Variants in STIM1 observed in about 807,000 individuals in gnomAD.
The protein encoded by STIM1 is stromal interaction molecule 1.
In STIM1, 25 loss-of-function variants were observed where a neutral mutation model predicts 74.7. The ratio of observed to expected loss-of-function variants is 0.33; its 90% confidence interval spans 0.24 to 0.47. The LOEUF (loss-of-function observed/expected upper bound fraction) is 0.47, where lower values mean the gene tolerates loss of function less well. Ranked by LOEUF, STIM1 falls within the 20% of genes least tolerant of loss-of-function variation. The pLI, the probability that STIM1 is intolerant of heterozygous loss-of-function variation, is 1.00. For synonymous variants in STIM1, 328 were observed against 348.8 expected, an observed-to-expected ratio of 0.94 and a Z score of 0.66; for missense variants, 728 against 920.8, an observed-to-expected ratio of 0.79 and a Z score of 2.71.
At chr11:4,091,193 C>T in intron 12 of STIM1, 89 bp from the exon 13 acceptor site, 2 of 1,583,750 alleles carry the variant, frequency 1.3e-6, no homozygotes, top group Non-Finnish European at 1.7e-6. Flanking sequence ...TCCTTGTCTT[C>T]TCGTGTTGTC....
chr11:4,021,402 A>G (rs1264409101), intron 2 of STIM1, among the ~76,000 whole-genome samples: 9 of 152,258 alleles, frequency 5.9e-5, no homozygotes, highest in Admixed American at 5.9e-4. Context: ...CTGGGATTAC[A>G]GGCATGAGCC....
At chr11:3,943,194 C>A (rs1335762431) in intron 1 of STIM1, among the ~76,000 whole-genome samples, 1 of 152,164 alleles carries the variant, frequency 6.6e-6, no homozygotes, top group East Asian at 1.9e-4. Flanking sequence ...TTTGGGAAGC[C>A]TTTCCTTGAC....
chr11:3,989,247 T>C lies in STIM1; in HGVS notation c.270+21565T>C, dbSNP rs545811168. The stretch of plus-strand genomic sequence containing the variant: ...CCCTGTTTACTGCAGGTAAATGTTC[T>C]TTAGTTTCTTGGTTAGCCACTTCGG... On this transcript the variant is annotated intron_variant, in intron 2 of 12. Coordinates refer to ENST00000526596, the MANE Select transcript of STIM1 (RefSeq NM_001382567.1). The C allele has an allele frequency of 1.9e-3, 1,676 of 869,776 alleles. 9 individuals are homozygous for C. The highest frequency in any genetic ancestry group is 1.9e-3 in the Non-Finnish European group (931 of 500,980). 53.9% of individuals were successfully genotyped at this position (869,776 alleles called of 1,614,324 possible).
Position 3,898,916 on chromosome 11 carries a change from T to C in STIM1, c.139+42507T>C, listed in dbSNP as rs1305883471. Among the ~76,000 whole-genome samples the C allele has an allele frequency of 2.0e-5, 3 of 152,064 alleles. No homozygotes were observed. In the East Asian group the frequency reaches 5.8e-4, roughly 29 times the overall value. ...CAGTACCATGCTGTTTTGGTTACTG[T>C]AGCTTTGTAGTATAGTTTGAAGTCA... On this transcript the variant is annotated intron_variant, in intron 1 of 12. Coordinates refer to ENST00000526596, the MANE Select transcript of STIM1 (RefSeq NM_001382567.1).
chr11:4,000,034 G>A (rs1229602426), intron 2 of STIM1, among the ~76,000 whole-genome samples: 1 of 152,056 alleles, frequency 6.6e-6, no homozygotes, highest in Non-Finnish European at 1.5e-5. Flanking sequence ...GCTGGGGGAG[G>A]GGCGCCCGCC....
chr11:3,949,689 T>C (rs1174426823), intron 1 of STIM1, among the ~76,000 whole-genome samples: 2 of 152,218 alleles, frequency 1.3e-5, no homozygotes, highest in Non-Finnish European at 2.9e-5. Flanking sequence ...TTAAAATTTT[T>C]ATTGAGATGA....
chr11:3,987,804 GACACACACACACACACACACACAC>G (rs55772228), intron 2 of STIM1, among the ~76,000 whole-genome samples: 1 of 145,284 alleles, frequency 6.9e-6, no homozygotes, highest in Non-Finnish European at 1.5e-5. Flanking sequence ...TGTCCTTAAG[GACACACACACACACACACACACAC>G]ACACACACAC....
At chr11:4,045,392 C>T (rs563683842) in intron 3 of STIM1, among the ~76,000 whole-genome samples, 61 of 152,136 alleles carry the variant, frequency 4.0e-4, no homozygotes, top group East Asian at 2.3e-3. Flanking sequence ...ATCTGCAATG[C>T]GTTAGGATAT....
At chr11:3,910,175 C>T (rs1012128056) in intron 1 of STIM1, among the ~76,000 whole-genome samples, 5 of 152,190 alleles carry the variant, frequency 3.3e-5, no homozygotes, top group African/African-American at 1.2e-4. Flanking sequence ...CGACTATATT[C>T]TTTGGGCAAT....
At chr11:3,951,343 AG>A (rs1376436503) in intron 1 of STIM1, among the ~76,000 whole-genome samples, 1 of 152,170 alleles carries the variant, frequency 6.6e-6, no homozygotes, top group Non-Finnish European at 1.5e-5. Context: ...AAAGACAAAG[AG>A]GGGCCAGTTA....
intron 2 of STIM1, among the ~76,000 whole-genome samples, chr11:4,004,271 T>A (rs1313073987): frequency 6.6e-6 from 1 of 152,106 alleles, no homozygotes; most frequent in Non-Finnish European, 1.5e-5. Context: ...AGAGCCCACA[T>A]CGCCAAGTCA....
chr11:4,082,031 T>G (rs546248329), intron 7 of STIM1, among the ~76,000 whole-genome samples, 153 bp from the exon 8 acceptor site: 4 of 152,362 alleles, frequency 2.6e-5, no homozygotes, highest in African/African-American at 4.8e-5. Flanking sequence ...GAGCTTGCTT[T>G]CTTCTATATA....
intron 1 of STIM1, among the ~76,000 whole-genome samples, chr11:3,939,426 T>A (rs867189000): frequency 4.6e-5 from 7 of 152,226 alleles, no homozygotes; most frequent in Non-Finnish European, 7.3e-5. Flanking sequence ...CTGATCTCAT[T>A]TCTGCATTTC....
chr11:4,045,742 A>G (rs2094186224), intron 3 of STIM1, among the ~76,000 whole-genome samples: 1 of 150,100 alleles, frequency 6.7e-6, no homozygotes, highest in Admixed American at 6.7e-5. Flanking sequence ...ATGAGCCACC[A>G]AGTCCATCCC....
intron 3 of STIM1, among the ~76,000 whole-genome samples, chr11:4,033,808 C>T (rs890253077): frequency 2.0e-5 from 3 of 151,582 alleles, no homozygotes; most frequent in South Asian, 2.1e-4. Flanking sequence ...ACCGTGTTAG[C>T]CAGGATGGTC....
intron 1 of STIM1, among the ~76,000 whole-genome samples, chr11:3,872,746 C>A (rs1279174146): frequency 6.6e-6 from 1 of 152,044 alleles, no homozygotes; most frequent in African/African-American, 2.4e-5. Context: ...TGGTCTCTAT[C>A]TCCTGACCTC....
chr11:3,932,268 T>A (rs1275388830), intron 1 of STIM1, among the ~76,000 whole-genome samples: 1 of 152,156 alleles, frequency 6.6e-6, no homozygotes, highest in African/African-American at 2.4e-5. Flanking sequence ...GCCTTCCCTA[T>A]GGAAGTTAAC....
chr11:4,035,013 T>C (rs2094086790), intron 3 of STIM1, among the ~76,000 whole-genome samples: 1 of 152,208 alleles, frequency 6.6e-6, no homozygotes, highest in Non-Finnish European at 1.5e-5. Context: ...AGATCTTTGT[T>C]AATTTTACAG....
intron 12 of STIM1, among the ~76,000 whole-genome samples, chr11:4,090,117 G>A (rs1346073674): frequency 6.6e-6 from 1 of 152,164 alleles, no homozygotes; most frequent in Admixed American, 6.5e-5. Flanking sequence ...GAAGCCTCTT[G>A]CGACCGGCCC....
Sources: gnomAD v4.1 joint callset for allele counts (sites outside exome capture counted in the v4.1 genomes callset) on GRCh38, gnomAD v4.1.1 for gene constraint, MANE v1.5 for transcripts, NCBI Gene and HGNC (gene_info 2026-07-23, HGNC 2026-07-21) for gene names.